Variants in ANKH observed in about 807,000 individuals in gnomAD.
ANKH encodes ANKH inorganic pyrophosphate transport regulator.
ANKH carries 15 observed loss-of-function variants against 49.0 expected under a neutral mutation model. The observed-to-expected ratio is 0.31, with a 90% CI of 0.20 to 0.47. The LOEUF (loss-of-function observed/expected upper bound fraction) is 0.47. Ranked by LOEUF, ANKH falls within the 20% of genes least tolerant of loss-of-function variation. The pLI is 1.00. For synonymous variants in ANKH, 273 were observed against 260.0 expected, an observed-to-expected ratio of 1.05 and a Z score of -0.48; for missense variants, 429 against 652.0, an observed-to-expected ratio of 0.66 and a Z score of 3.72.
At chr5:14,711,378 G>A (rs1448165757) in intron 11 of ANKH, 68 bp from the exon 12 acceptor site, 27 of 1,373,150 alleles carry the variant, frequency 2.0e-5, no homozygotes, top group Admixed American at 3.4e-5. Flanking sequence ...ACCACGAGCA[G>A]GGAGACAACA....
rs757390628 is a variant in ANKH at position 14,737,213 on chromosome 5, T to C, written c.1011+4614A>G. 1.3e-5 allele frequency among the ~76,000 whole-genome samples: 2 copies of C among 152,216 alleles called. No homozygotes were observed. The highest frequency in any genetic ancestry group is 4.8e-5 in the African/African-American group (2 of 41,462). On this transcript the variant is annotated intron_variant, in intron 8 of 11. Coordinates refer to ENST00000284268, the MANE Select transcript of ANKH (RefSeq NM_054027.6). The surrounding 1 kb of genome is among the most constrained non-coding windows in gnomAD (Gnocchi z 5.0). ...ATGCAGGAATAGGGAGGTCCGTCAC[T>C]CTTTTGGGACATTTCTTCCCCACCA...
chr5:14,798,905 C>G (rs982111334), intron 1 of ANKH, among the ~76,000 whole-genome samples: 5 of 152,210 alleles, frequency 3.3e-5, no homozygotes, highest in Admixed American at 1.3e-4. Flanking sequence ...TCACACCTCT[C>G]TCTTGGTAAA....
chr5:14,767,160 A>C (rs1174332353), intron 2 of ANKH, among the ~76,000 whole-genome samples: 1 of 152,202 alleles, frequency 6.6e-6, no homozygotes, highest in Non-Finnish European at 1.5e-5. Flanking sequence ...GATTATGGGA[A>C]ACAAAATGGG....
rs1464732760 is a variant in ANKH, at chr5:14,706,263, A to C, written c.*4934T>G. 4 of 152,226 alleles carry C rather than the reference A, an allele frequency of 2.6e-5. No homozygotes were observed. Among genetic ancestry groups the C allele is most frequent in the Non-Finnish European group, 4.4e-5 (3 of 68,022 alleles). The allele number at this position is 152,226 out of a possible 1,614,324, so 9.4% of individuals were successfully genotyped here. ...TATGTGTAGCTGACAGCCACCTATA[A>C]AAGTGCATATATCTTATGCAGTCTT... On this transcript the variant is annotated 3_prime_UTR_variant, in exon 12 of 12. Coordinates refer to ENST00000284268, the MANE Select transcript of ANKH (RefSeq NM_054027.6).
chr5:14,871,271 G>A lies in ANKH; in HGVS notation c.96+81C>T, dbSNP rs767900863. 3.9e-5 allele frequency: 48 copies of A among 1,239,960 alleles called. No homozygotes were observed. In the African/African-American group the frequency reaches 5.0e-4, roughly 13 times the overall value. 76.8% of individuals were successfully genotyped at this position (1,239,960 alleles called of 1,614,324 possible). A position where few individuals can be genotyped will look rare whatever the true frequency, so the allele number is the denominator to read the frequency against. ...CAGGATAAAGAGGGACTCGGAGCAG[G>A]TGACTCCCCTCCGCCCCCGTGTCCG... On this transcript the variant is annotated intron_variant, in intron 1 of 11. Transcript: ENST00000284268.
In ANKH at chr5:14,788,557, C is replaced by T. The variant is rs556584211; in HGVS notation, c.97-19366G>A. On this transcript the variant is annotated intron_variant, in intron 1 of 11. Coordinates refer to ENST00000284268, the MANE Select transcript of ANKH (RefSeq NM_054027.6). Reference sequence around the variant, plus strand: ...TATTTGAACATTTCTTTATATCCCCCAAAGCCTTAGAATTAGGGGCTTATA... The same window carrying T: ...TATTTGAACATTTCTTTATATCCCCTAAAGCCTTAGAATTAGGGGCTTATA... 2.0e-5 allele frequency among the ~76,000 whole-genome samples: 3 copies of T among 152,300 alleles called. No individual in the cohort carries two copies. The East Asian group carries it at 5.8e-4, about 29-fold the overall frequency.
At chr5:14,829,753 T>C (rs923794967) in intron 1 of ANKH, among the ~76,000 whole-genome samples, 23 of 152,332 alleles carry the variant, frequency 1.5e-4, no homozygotes, top group African/African-American at 5.5e-4. Context: ...TTTAGACAGG[T>C]ACCTGAGACC....
intron 1 of ANKH, among the ~76,000 whole-genome samples, chr5:14,853,110 A>G (rs1401097839): frequency 6.6e-6 from 1 of 152,100 alleles, no homozygotes; most frequent in Non-Finnish European, 1.5e-5. Context: ...CCTCCCCCCA[A>G]ACTACCACCA....
Position 14,821,718 on chromosome 5 carries a change from G to C in ANKH, c.96+49634C>G, listed in dbSNP as rs549792996. 2.0e-5 allele frequency among the ~76,000 whole-genome samples: 3 copies of C among 152,320 alleles called. 1 individual carries two copies. In the East Asian group the frequency reaches 5.8e-4, roughly 29 times the overall value. ...GCCTGCTAACTAAAGAAAGCACTGT[G>C]ACTATAACTGGAGTCTTTAATTTCT... On this transcript the variant is annotated intron_variant, in intron 1 of 11. Coordinates refer to ENST00000284268, the MANE Select transcript of ANKH (RefSeq NM_054027.6).
chr5:14,720,232 A>C (rs1011364792), intron 8 of ANKH, among the ~76,000 whole-genome samples: 27 of 152,328 alleles, frequency 1.8e-4, no homozygotes, highest in African/African-American at 6.3e-4. Flanking sequence ...AAAATGGCAG[A>C]GGTACTATCT....
chr5:14,762,055 G>A (rs1165405411), intron 2 of ANKH, among the ~76,000 whole-genome samples: 4 of 152,038 alleles, frequency 2.6e-5, no homozygotes, highest in Non-Finnish European at 5.9e-5. Flanking sequence ...GTTAGTCACC[G>A]CACCCAGCCC....
chr5:14,812,143 T>C (rs921382350), intron 1 of ANKH, among the ~76,000 whole-genome samples: 1 of 135,210 alleles, frequency 7.4e-6, no homozygotes, highest in African/African-American at 2.7e-5. Flanking sequence ...AAAAAAAGAA[T>C]AAAAGGATCC....
intron 4 of ANKH, among the ~76,000 whole-genome samples, chr5:14,753,672 G>A (rs1738790475): frequency 6.6e-6 from 1 of 152,188 alleles, no homozygotes; most frequent in South Asian, 2.1e-4. Flanking sequence ...CGAATCCCTT[G>A]GCAATGATTG....
chr5:14,763,855 G>A (rs1054568907), intron 2 of ANKH, among the ~76,000 whole-genome samples: 6 of 152,144 alleles, frequency 3.9e-5, no homozygotes, highest in African/African-American at 4.8e-5. Flanking sequence ...TTGGGAGGCC[G>A]AGGCGGGTGG....
At chr5:14,862,670 C>T (rs901534969) in intron 1 of ANKH, among the ~76,000 whole-genome samples, 3 of 152,182 alleles carry the variant, frequency 2.0e-5, no homozygotes, top group African/African-American at 7.2e-5. Context: ...GTGAGCACCT[C>T]GTTGTGTGTC....
intron 1 of ANKH, among the ~76,000 whole-genome samples, chr5:14,800,727 C>CTTTTTTTT (rs901835855): frequency 7.4e-6 from 1 of 135,314 alleles, no homozygotes; most frequent in Non-Finnish European, 1.6e-5. Context: ...CATTTTTTTT[C>CTTTTTTTT]TTTTTTTTTT....
intron 2 of ANKH, chr5:14,768,505 CA>C (rs1739322341): frequency 4.9e-6 from 1 of 204,468 alleles, no homozygotes; most frequent in Non-Finnish European, 1.0e-5. Flanking sequence ...ATCACAAGAG[CA>C]TTTAGTCTTG....
intron 8 of ANKH, among the ~76,000 whole-genome samples, chr5:14,736,197 C>T (rs1045409156): frequency 6.6e-6 from 1 of 152,072 alleles, no homozygotes; most frequent in African/African-American, 2.4e-5. Flanking sequence ...ACCCCCACCA[C>T]ATCAAGCAGC....
chr5:14,705,630 C>T lies in ANKH; in HGVS notation c.*5567G>A, dbSNP rs1002644163. 3 of 152,568 alleles carry T rather than the reference C, an allele frequency of 2.0e-5. No individual in the cohort carries two copies. The highest frequency in any genetic ancestry group is 4.4e-5 in the Non-Finnish European group (3 of 68,044). 9.5% of individuals were successfully genotyped at this position (152,568 alleles called of 1,614,324 possible). ...TACTAGCTTTAGACAGTTCCCTGAT[C>T]AGTACATCATTAAGCAACCAAAATA... On this transcript the variant is annotated 3_prime_UTR_variant, in exon 12 of 12. Transcript: ENST00000284268.
Sources: allele counts gnomAD v4.1 joint callset (sites outside exome capture counted in the v4.1 genomes callset), GRCh38; gene constraint gnomAD v4.1.1; non-coding constraint Gnocchi (gnomAD v3.1); transcripts MANE v1.5; gene names NCBI Gene and HGNC (gene_info 2026-07-23, HGNC 2026-07-21).